The following CDH18 variants were observed in gnomAD, a reference collection of about 807,000 sequenced individuals.
CDH18 encodes cadherin 18, also known as cadherin-18.
A neutral mutation model predicts 67.9 loss-of-function variants in CDH18; 31 were observed. The observed-to-expected ratio is 0.46, with a 90% confidence interval of 0.34 to 0.62. The LOEUF (loss-of-function observed/expected upper bound fraction) is 0.62, where lower values mean the gene tolerates loss of function less well. Ranked by LOEUF, CDH18 falls within the 20% of genes least tolerant of loss-of-function variation. The pLI, the probability that CDH18 is intolerant of heterozygous loss-of-function variation, is 0.01. For synonymous variants in CDH18, 362 were observed against 347.2 expected, an observed-to-expected ratio of 1.04 and a Z score of -0.48; for missense variants, 890 against 975.5, an observed-to-expected ratio of 0.91 and a Z score of 1.17.
At chr5:20,035,296 C>A (rs920386802) in intron 2 of CDH18, among the ~76,000 whole-genome samples, 1 of 151,910 alleles carries the variant, frequency 6.6e-6, no homozygotes, top group Non-Finnish European at 1.5e-5. Context: ...GCTGGATTTA[C>A]AATTATTTAT....
intron 2 of CDH18, among the ~76,000 whole-genome samples, chr5:19,916,327 A>C (rs1448297408): frequency 6.6e-6 from 1 of 152,114 alleles, no homozygotes; most frequent in Non-Finnish European, 1.5e-5. Flanking sequence ...AACTGTAGCT[A>C]TTCTTCTGCA....
intron 2 of CDH18, among the ~76,000 whole-genome samples, chr5:20,118,717 C>G (rs1748115767): frequency 6.6e-6 from 1 of 152,140 alleles, no homozygotes; most frequent in Non-Finnish European, 1.5e-5. Context: ...CATAGTGTCC[C>G]TTCTCGCTGT....
intron 1 of CDH18, among the ~76,000 whole-genome samples, chr5:20,513,699 T>C (rs28729646): frequency 0.084 from 12,725 of 152,134 alleles, 1,373 homozygotes; most frequent in African/African-American, 0.25. Flanking sequence ...CTAACAATCA[T>C]AACAATGTCA....
intron 3 of CDH18, among the ~76,000 whole-genome samples, chr5:19,829,604 G>A (rs1780801957): frequency 6.6e-6 from 1 of 152,128 alleles, no homozygotes; most frequent in African/African-American, 2.4e-5. Flanking sequence ...TCATGGATAG[G>A]AATACCTAAT....
intron 1 of CDH18, among the ~76,000 whole-genome samples, chr5:20,449,050 T>C (rs1750230912): frequency 6.6e-6 from 1 of 152,060 alleles, no homozygotes; most frequent in Admixed American, 6.6e-5. Context: ...CCTAAGTACA[T>C]TGGAATAAAT....
chr5:19,623,982 C>CATTATTATTATT lies in CDH18; in HGVS notation c.644-11393_644-11382dup, dbSNP rs70950078. On this transcript the variant is annotated intron_variant, in intron 5 of 12. Coordinates refer to ENST00000382275, the MANE Select transcript of CDH18 (RefSeq NM_004934.5). The stretch of plus-strand genomic sequence containing the variant: ...ATTTATAATGCATTATGTCACACTC[C>CATTATTATTATT]ATTATTATTATTATTATTATTATTA... Among the ~76,000 whole-genome samples the CATTATTATTATT allele has an allele frequency of 8.9e-3, 1,247 of 139,798 alleles. 10 individuals carry two copies. The highest frequency in any genetic ancestry group is 0.018 in the Middle Eastern group (5 of 274). The allele number at this position is 139,798 out of a possible 152,430, so 91.7% of individuals were successfully genotyped here.
intron 2 of CDH18, among the ~76,000 whole-genome samples, chr5:19,971,858 AAGAG>A (rs35822383): frequency 1.2e-4 from 15 of 126,940 alleles, no homozygotes; most frequent in South Asian, 4.2e-4. Context: ...TAAAAAAAAA[AAGAG>A]AGAGAGAGAG....
intron 1 of CDH18, among the ~76,000 whole-genome samples, chr5:20,513,747 T>TACC (rs1271768675): frequency 6.7e-6 from 1 of 150,180 alleles, no homozygotes; most frequent in East Asian, 2.0e-4. Context: ...AATGTCCTTT[T>TACC]ATTTTTCCCC....
intron 1 of CDH18, among the ~76,000 whole-genome samples, chr5:20,258,182 C>T (rs1463405289): frequency 2.0e-5 from 3 of 151,890 alleles, no homozygotes; most frequent in East Asian, 1.9e-4. Flanking sequence ...TTTCTAATTG[C>T]ATTTTTATAG....
chr5:20,410,765 A>T (rs992331202), intron 1 of CDH18, among the ~76,000 whole-genome samples: 2 of 151,898 alleles, frequency 1.3e-5, no homozygotes, highest in South Asian at 4.1e-4. Flanking sequence ...TAAAGTCTCC[A>T]TTTAAAATAA....
At chr5:19,639,101 C>T (rs1306159387) in intron 5 of CDH18, among the ~76,000 whole-genome samples, 1 of 149,164 alleles carries the variant, frequency 6.7e-6, no homozygotes, top group Non-Finnish European at 1.5e-5. Context: ...CTCCTGGGCT[C>T]ACGCCATTCT....
Position 20,455,593 on chromosome 5 carries a change from A to G in CDH18, c.-580+119869T>C, listed in dbSNP as rs926931301. Reference sequence around the variant, plus strand: ...ACTGGGTCAATATGCCTTATGTAGAAAATCATCAATTCAGAAATCGTGAAG... The same window carrying G: ...ACTGGGTCAATATGCCTTATGTAGAGAATCATCAATTCAGAAATCGTGAAG... On this transcript the variant is annotated intron_variant, in intron 1 of 14. Coordinates refer to the CDH18 transcript ENST00000507958. Among the ~76,000 whole-genome samples the G allele has an allele frequency of 6.6e-5, 10 of 152,130 alleles. 1 individual carries two copies. The highest frequency in any genetic ancestry group is 1.3e-4 in the Non-Finnish European group (9 of 68,004).
intron 1 of CDH18, among the ~76,000 whole-genome samples, chr5:20,308,500 G>A (rs1736687101): frequency 6.6e-6 from 1 of 150,818 alleles, no homozygotes; most frequent in South Asian, 2.1e-4. Context: ...TGGAGATCGT[G>A]CCACTGGACT....
At chr5:20,115,160 AC>A (rs1747779895) in intron 2 of CDH18, among the ~76,000 whole-genome samples, 2 of 151,070 alleles carry the variant, frequency 1.3e-5, no homozygotes, top group African/African-American at 4.9e-5. Flanking sequence ...TTTGCAGATT[AC>A]CGCCTTTTTG....
intron 1 of CDH18, among the ~76,000 whole-genome samples, chr5:19,986,794 AGGCT>A (rs2150376501): frequency 6.6e-6 from 1 of 152,328 alleles, no homozygotes; most frequent in East Asian, 1.9e-4. Flanking sequence ...TGTAAGATCT[AGGCT>A]GGACCTCAAA....
At chr5:19,731,034 T>C (rs1461572433) in intron 4 of CDH18, among the ~76,000 whole-genome samples, 1 of 152,192 alleles carries the variant, frequency 6.6e-6, no homozygotes. Flanking sequence ...AGCAGTGGTT[T>C]ACATCTTTGA....
intron 3 of CDH18, among the ~76,000 whole-genome samples, chr5:19,803,603 T>C (rs1051872146): frequency 2.6e-5 from 4 of 152,234 alleles, no homozygotes; most frequent in South Asian, 4.1e-4. Context: ...CGAGTAATTC[T>C]GAAATCCAGA....
intron 2 of CDH18, among the ~76,000 whole-genome samples, chr5:20,129,302 G>T (rs114176416): frequency 0.011 from 1,705 of 151,974 alleles, 46 homozygotes; most frequent in African/African-American, 0.039. Flanking sequence ...TTTCCAGTTT[G>T]TTTCTGATAT....
At chr5:20,049,142 A>G (rs1268357831) in intron 2 of CDH18, among the ~76,000 whole-genome samples, 1 of 151,798 alleles carries the variant, frequency 6.6e-6, no homozygotes, top group African/African-American at 2.4e-5. Context: ...AACAGCTAAT[A>G]AAATATAAAG....
Sources: gnomAD v4.1 joint callset for allele counts (sites outside exome capture counted in the v4.1 genomes callset) on GRCh38, gnomAD v4.1.1 for gene constraint, MANE v1.5 for transcripts, NCBI Gene and HGNC (gene_info 2026-07-23, HGNC 2026-07-21) for gene names.